Variants in PCBD2 observed in about 807,000 individuals in gnomAD.
The protein encoded by PCBD2 is pterin-4 alpha-carbinolamine dehydratase 2, also known as pterin-4-alpha-carbinolamine dehydratase 2.
In PCBD2, 12 loss-of-function variants were observed where a neutral mutation model predicts 16.4. The ratio of observed to expected loss-of-function variants is 0.73; its 90% CI spans 0.47 to 1.19. The LOEUF (loss-of-function observed/expected upper bound fraction) is 1.19. Among genes scored for constraint, PCBD2 ranks in the 50% most tolerant of loss-of-function variants. The pLI, the probability that PCBD2 is intolerant of heterozygous loss-of-function variation, is 0.00. For missense variants in PCBD2, 138 were observed against 156.8 expected, an observed-to-expected ratio of 0.88 and a Z score of 0.64; for synonymous variants, 58 against 61.8, an observed-to-expected ratio of 0.94 and a Z score of 0.29.
At chr5:134,940,900 A>G (rs1378716325) in intron 2 of PCBD2, among the ~76,000 whole-genome samples, 2 of 151,974 alleles carry the variant, frequency 1.3e-5, no homozygotes, top group Non-Finnish European at 2.9e-5. Flanking sequence ...AAGGCCGAGG[A>G]AGGTGGATCA....
At chr5:134,926,542 T>A (rs1750999774) in intron 2 of PCBD2, 2 of 395,546 alleles carry the variant, frequency 5.1e-6, no homozygotes, top group Non-Finnish European at 8.9e-6. Context: ...GAGAAAGCCA[T>A]GTTGTTAGAC....
rs554567253 is a variant in PCBD2, at chr5:134,961,611, T to C, written c.*930T>C. Among the ~76,000 whole-genome samples, 1 of 152,166 alleles carries C rather than the reference T, an allele frequency of 6.6e-6. No individual in the cohort carries two copies. The highest frequency in any genetic ancestry group is 2.1e-4 in the South Asian group (1 of 4,824). Reference sequence around the variant, plus strand: ...AAGTGGCATTCTTAAATTCAAGAAATTGGGATGGGGAGTATTCACACATTT... The same window carrying C: ...AAGTGGCATTCTTAAATTCAAGAAACTGGGATGGGGAGTATTCACACATTT... On this transcript the variant is annotated 3_prime_UTR_variant, in exon 4 of 4. Coordinates refer to ENST00000254908, the MANE Select transcript of PCBD2 (RefSeq NM_032151.5).
At chr5:134,917,573 A>G (rs575913282) in intron 2 of PCBD2, among the ~76,000 whole-genome samples, 2 of 152,202 alleles carry the variant, frequency 1.3e-5, no homozygotes, top group Admixed American at 6.5e-5. Context: ...CCTGCCCAGC[A>G]GGGCATTCAG....
intron 2 of PCBD2, among the ~76,000 whole-genome samples, chr5:134,957,530 G>C (rs1039561843): frequency 6.6e-6 from 1 of 152,160 alleles, no homozygotes; most frequent in African/African-American, 2.4e-5. Context: ...GGCTGGGCAT[G>C]GTGGCATGCA....
chr5:134,943,806 C>G (rs1161689634), intron 2 of PCBD2, among the ~76,000 whole-genome samples: 1 of 152,210 alleles, frequency 6.6e-6, no homozygotes, highest in Non-Finnish European at 1.5e-5. Flanking sequence ...TTTTAGTAAT[C>G]TCATTGCTTT....
At chr5:134,919,488 C>T (rs1056422809) in intron 2 of PCBD2, among the ~76,000 whole-genome samples, 5 of 152,096 alleles carry the variant, frequency 3.3e-5, no homozygotes, top group African/African-American at 4.8e-5. Context: ...ACATAAATTT[C>T]ATTTATGTAA....
intron 2 of PCBD2, among the ~76,000 whole-genome samples, chr5:134,947,596 C>T (rs934069768): frequency 6.6e-6 from 1 of 151,568 alleles, no homozygotes; most frequent in African/African-American, 2.4e-5. Context: ...ACCATGTTAG[C>T]CAGGATTGTC....
At chr5:134,913,408 T>A (rs1180850804) in intron 2 of PCBD2, among the ~76,000 whole-genome samples, 1 of 152,158 alleles carries the variant, frequency 6.6e-6, no homozygotes, top group Non-Finnish European at 1.5e-5. Flanking sequence ...GGAAGAGCTT[T>A]CCAGCTGGAG....
At chr5:134,918,222 G>T (rs920388367) in intron 2 of PCBD2, among the ~76,000 whole-genome samples, 1 of 152,198 alleles carries the variant, frequency 6.6e-6, no homozygotes, top group Non-Finnish European at 1.5e-5. Context: ...ATGTCATTTT[G>T]TGCTGGGCAT....
chr5:134,931,438 T>A (rs1028747898), intron 2 of PCBD2, among the ~76,000 whole-genome samples: 2 of 152,246 alleles, frequency 1.3e-5, no homozygotes, highest in African/African-American at 4.8e-5. Context: ...AATGAGTGTT[T>A]GAGTGTCTAT....
intron 2 of PCBD2, among the ~76,000 whole-genome samples, chr5:134,911,680 A>G (rs986028276): frequency 3.3e-5 from 5 of 152,212 alleles, no homozygotes; most frequent in African/African-American, 9.7e-5. Context: ...AACCTTCGGC[A>G]TGTTTTCCTA....
intron 2 of PCBD2, among the ~76,000 whole-genome samples, chr5:134,914,734 C>G (rs746850827): frequency 2.0e-5 from 3 of 151,474 alleles, no homozygotes; most frequent in African/African-American, 7.3e-5. Context: ...TACAATGGTG[C>G]GATCTTGGCT....
intron 2 of PCBD2, among the ~76,000 whole-genome samples, chr5:134,957,732 A>T (rs1751430645): frequency 6.6e-6 from 1 of 152,206 alleles, no homozygotes; most frequent in African/African-American, 2.4e-5. Flanking sequence ...TTCCCTTCAC[A>T]TAATCTAGAC....
chr5:134,916,665 G>A (rs773249639), intron 2 of PCBD2, among the ~76,000 whole-genome samples: 1 of 152,244 alleles, frequency 6.6e-6, no homozygotes, highest in Non-Finnish European at 1.5e-5. Context: ...GGTATGGTTA[G>A]TTCCAAATAA....
rs575892600 is a variant in PCBD2 at position 134,925,177 on chromosome 5, A to T, written c.216+14711A>T. The T allele has an allele frequency of 1.8e-5, 7 of 398,394 alleles. No homozygotes were observed. The South Asian group carries it at 9.0e-4, about 51-fold the overall frequency. The allele number at this position is 398,394 out of a possible 1,614,324, so 24.7% of individuals were successfully genotyped here. A position where few individuals can be genotyped will look rare whatever the true frequency, so the allele number is the denominator to read the frequency against. On this transcript the variant is annotated intron_variant, in intron 2 of 3. Coordinates refer to ENST00000254908, the MANE Select transcript of PCBD2 (RefSeq NM_032151.5). The stretch of plus-strand genomic sequence containing the variant: ...GCGAGGCTGACCTGTTAGGGTGAGA[A>T]GAATTATTCGAGTGCTATAGGCGCT...
intron 1 of PCBD2, 91 bp downstream of exon 1, chr5:134,905,314 G>T: frequency 9.0e-7 from 1 of 1,111,496 alleles, no homozygotes; most frequent in South Asian, 4.5e-5. Context: ...GCGGGACTGG[G>T]GCGAACCCGG....
At chr5:134,924,501 T>A in intron 2 of PCBD2, 1 of 397,540 alleles carries the variant, frequency 2.5e-6, no homozygotes, top group Non-Finnish European at 4.4e-6. Flanking sequence ...TTGAATAATT[T>A]ATGAAGGAGA....
chr5:134,954,673 A>T (rs563802295), intron 2 of PCBD2, among the ~76,000 whole-genome samples: 134 of 152,034 alleles, frequency 8.8e-4, no homozygotes, highest in Middle Eastern at 3.4e-3. Flanking sequence ...CATTTCTTAA[A>T]GTTTTTGTAG....
At chr5:134,916,998 T>C (rs1750841741) in intron 2 of PCBD2, among the ~76,000 whole-genome samples, 1 of 152,222 alleles carries the variant, frequency 6.6e-6, no homozygotes, top group African/African-American at 2.4e-5. Context: ...TTGTTGTTCC[T>C]GTAGACAGAA....
Sources: allele counts gnomAD v4.1 joint callset (sites outside exome capture counted in the v4.1 genomes callset), GRCh38; gene constraint gnomAD v4.1.1; transcripts MANE v1.5; gene names NCBI Gene and HGNC (gene_info 2026-07-23, HGNC 2026-07-21).